MGAT4C: variants seen among roughly 807,000 people sequenced by gnomAD.
The protein encoded by MGAT4C is alpha-1,3-mannosyl-glycoprotein 4-beta-N-acetylglucosaminyltransferase C.
A neutral mutation model predicts 40.1 loss-of-function variants in MGAT4C; 19 were observed. That is an observed-to-expected ratio of 0.47 (90% CI 0.33 to 0.70). The LOEUF (loss-of-function observed/expected upper bound fraction) is 0.70. Among genes scored for constraint, MGAT4C ranks in the 30% least tolerant of loss-of-function variants. MGAT4C has a pLI of 0.02. For synonymous variants in MGAT4C, 181 were observed against 187.1 expected (o/e 0.97, Z 0.27); for missense variants, 491 against 563.2 (o/e 0.87, Z 1.30).
intron 1 of MGAT4C, among the ~76,000 whole-genome samples, chr12:86,739,997 G>A (rs1031034260): frequency 6.6e-6 from 1 of 150,686 alleles, no homozygotes; most frequent in East Asian, 1.9e-4. Flanking sequence ...GCTTCTCCAA[G>A]GATGCTGAGT....
intron 3 of MGAT4C, among the ~76,000 whole-genome samples, chr12:86,383,413 G>T (rs548612892): frequency 7.2e-5 from 11 of 151,918 alleles, no homozygotes; most frequent in Non-Finnish European, 1.5e-4. Flanking sequence ...TTATCTGGGC[G>T]TGGTGGCATG....
intron 4 of MGAT4C, among the ~76,000 whole-genome samples, chr12:86,299,360 G>A (rs1360428364): frequency 1.3e-5 from 2 of 152,012 alleles, no homozygotes; most frequent in Non-Finnish European, 1.5e-5. Context: ...CTCGTGATCC[G>A]CCCGCCTCGG....
chr12:86,585,188 TA>T (rs986216055), intron 2 of MGAT4C, among the ~76,000 whole-genome samples: 2 of 151,512 alleles, frequency 1.3e-5, no homozygotes, highest in Non-Finnish European at 3.0e-5. Context: ...GTACATAGCA[TA>T]AAATGGGACT....
intron 4 of MGAT4C, among the ~76,000 whole-genome samples, chr12:86,317,858 A>C (rs1261718820): frequency 6.6e-6 from 1 of 151,282 alleles, no homozygotes; most frequent in Non-Finnish European, 1.5e-5. Context: ...GGATTTTCAA[A>C]GAACTGCTAC....
intron 2 of MGAT4C, among the ~76,000 whole-genome samples, chr12:86,450,546 G>C (rs773458342): frequency 6.6e-6 from 1 of 151,728 alleles, no homozygotes; most frequent in Non-Finnish European, 1.5e-5. Context: ...TTTATACTTA[G>C]TGCTTCTTGA....
Position 86,744,930 on chromosome 12 carries a change from G to A in MGAT4C, c.-261-17689C>T, listed in dbSNP as rs1951129662. On this transcript the variant is annotated intron_variant, in intron 1 of 7. Coordinates refer to the MGAT4C transcript ENST00000548651. ...GCTTAAAATGTGTATTGGTTCTGGG[G>A]AAGAGGCTGAAGTGACTTGTGGAAG... The A allele has an allele frequency of 2.6e-5, 4 of 151,558 alleles. No homozygotes were observed. The South Asian group carries it at 8.3e-4, about 31-fold the overall frequency. The allele number at this position is 151,558 out of a possible 1,614,324, so 9.4% of individuals were successfully genotyped here.
chr12:86,008,833 A>C (rs1592674908), intron 2 of MGAT4C, among the ~76,000 whole-genome samples: 1 of 152,090 alleles, frequency 6.6e-6, no homozygotes, highest in East Asian at 1.9e-4. Context: ...GAATTTTGTC[A>C]AATATTTTTT....
chr12:86,429,471 G>A (rs1383976825), intron 3 of MGAT4C, among the ~76,000 whole-genome samples: 1 of 152,062 alleles, frequency 6.6e-6, no homozygotes, highest in African/African-American at 2.4e-5. Context: ...ATCTCTGTTA[G>A]GACCATTAAA....
At chr12:86,484,392 C>T (rs1957983720) in intron 2 of MGAT4C, among the ~76,000 whole-genome samples, 1 of 152,212 alleles carries the variant, frequency 6.6e-6, no homozygotes, top group African/African-American at 2.4e-5. Context: ...GCTAGCCTGG[C>T]TTAAGGCCCC....
intron 1 of MGAT4C, among the ~76,000 whole-genome samples, chr12:86,125,523 C>T (rs1304213880): frequency 6.6e-6 from 1 of 151,904 alleles, no homozygotes; most frequent in East Asian, 1.9e-4. Context: ...CATCAGATGA[C>T]CCAATAACAA....
intron 2 of MGAT4C, among the ~76,000 whole-genome samples, chr12:86,656,014 T>A (rs1420828436): frequency 2.0e-5 from 3 of 152,074 alleles, no homozygotes; most frequent in Non-Finnish European, 4.4e-5. Flanking sequence ...GCCTGATAAG[T>A]TTATCAAATT....
chr12:86,421,850 C>T (rs1030570899), intron 3 of MGAT4C, among the ~76,000 whole-genome samples: 17 of 151,996 alleles, frequency 1.1e-4, no homozygotes, highest in African/African-American at 3.6e-4. Context: ...ACATATCATG[C>T]GTATGTTATA....
intron 1 of MGAT4C, among the ~76,000 whole-genome samples, chr12:86,112,631 A>G (rs1877654420): frequency 6.6e-6 from 1 of 151,826 alleles, no homozygotes; most frequent in South Asian, 2.1e-4. Context: ...AATAATGACC[A>G]ACGAAGTATT....
At chr12:86,469,301 C>A (rs369539082) in intron 2 of MGAT4C, among the ~76,000 whole-genome samples, 1 of 152,094 alleles carries the variant, frequency 6.6e-6, no homozygotes, top group Non-Finnish European at 1.5e-5. Flanking sequence ...TAGAGAATTG[C>A]TTTTAATGAA....
intron 4 of MGAT4C, among the ~76,000 whole-genome samples, chr12:86,281,306 G>A (rs1054708320): frequency 3.4e-4 from 51 of 151,694 alleles, no homozygotes; most frequent in African/African-American, 1.2e-3. Flanking sequence ...TCACACATAT[G>A]TTTTCTCTAT....
chr12:86,479,486 G>A (rs1957897945), intron 2 of MGAT4C, among the ~76,000 whole-genome samples: 1 of 151,662 alleles, frequency 6.6e-6, no homozygotes, highest in East Asian at 1.9e-4. Context: ...GAGTTAGGGT[G>A]GTCAAACTCT....
At chr12:86,777,722 T>C (rs1951769145) in intron 1 of MGAT4C, among the ~76,000 whole-genome samples, 1 of 152,192 alleles carries the variant, frequency 6.6e-6, no homozygotes, top group African/African-American at 2.4e-5. Flanking sequence ...AGGATTTAAG[T>C]TGATTGGCTA....
chr12:86,180,318 T>A (rs1033356417), intron 1 of MGAT4C, among the ~76,000 whole-genome samples: 1 of 152,222 alleles, frequency 6.6e-6, no homozygotes, highest in Non-Finnish European at 1.5e-5. Context: ...ATGGAGAACC[T>A]CTGCTAGGGC....
chr12:86,241,423 G>C (rs1951777961), intron 1 of MGAT4C, among the ~76,000 whole-genome samples: 1 of 152,102 alleles, frequency 6.6e-6, no homozygotes, highest in Admixed American at 6.6e-5. Context: ...TGTAAAAAAG[G>C]ATCATCTCTT....
Sources: gnomAD v4.1 joint callset for allele counts (sites outside exome capture counted in the v4.1 genomes callset) on GRCh38, gnomAD v4.1.1 for gene constraint, MANE v1.5 for transcripts, NCBI Gene and HGNC (gene_info 2026-07-23, HGNC 2026-07-21) for gene names.